Variants in SV2C observed in about 807,000 individuals in gnomAD.
SV2C encodes the protein solute carrier family 22 member B3.
A neutral mutation model predicts 79.7 loss-of-function variants in SV2C; 49 were observed. That is an observed-to-expected ratio of 0.61 (90% CI 0.49 to 0.78). The LOEUF is 0.78. Among genes scored for constraint, SV2C ranks in the 30% least tolerant of loss-of-function variants. The pLI is 0.00. For missense variants in SV2C, 833 were observed against 912.9 expected, an observed-to-expected ratio of 0.91 and a Z score of 1.13; for synonymous variants, 334 against 333.2, an observed-to-expected ratio of 1.00 and a Z score of -0.03.
At chr5:75,911,639 A>G in the SV2C span, 1 of 696,380 alleles carries the variant, frequency 1.4e-6, no homozygotes, top group Non-Finnish European at 2.7e-6. Context: ...AACATCCACA[A>G]TCAGAACCCC....
intron 11 of SV2C, 99 bp downstream of exon 11, chr5:76,301,031 A>G (rs1302678077): frequency 1.1e-5 from 15 of 1,310,860 alleles, no homozygotes; most frequent in Admixed American, 1.1e-4. Context: ...TTTGCATCCA[A>G]TAAGGAGAAA....
At chr5:75,954,396 C>G in the SV2C span, among the ~76,000 whole-genome samples, 4 of 151,986 alleles carry the variant, frequency 2.6e-5, no homozygotes, top group East Asian at 7.8e-4. Context: ...TGAAATACGT[C>G]CCATCAATAC....
chr5:75,971,521 T>C, the SV2C span, among the ~76,000 whole-genome samples: 1,544 of 152,180 alleles, frequency 0.01, 33 homozygotes, highest in African/African-American at 0.033. Flanking sequence ...AGCATTCTTA[T>C]ACACCAATAA....
At chr5:76,049,114 G>C in the SV2C span, among the ~76,000 whole-genome samples, 1 of 151,934 alleles carries the variant, frequency 6.6e-6, no homozygotes, top group African/African-American at 2.4e-5. Context: ...GAGGTGGGTG[G>C]ATCACGAGGT....
Position 76,159,368 on chromosome 5 carries a change from A to G in SV2C, c.580+27038A>G, listed in dbSNP as rs148590868. Among the ~76,000 whole-genome samples, 211 of 152,258 alleles carry G rather than the reference A, an allele frequency of 1.4e-3. 1 individual carries two copies. Among genetic ancestry groups the G allele is most frequent in the East Asian group, 0.013 (66 of 5,180 alleles). On this transcript the variant is annotated intron_variant, in intron 2 of 12. Coordinates refer to ENST00000502798, the MANE Select transcript of SV2C (RefSeq NM_014979.4). ...CTATTTGCAAGTAACATAATCGTGT[A>G]TATGGAAAATCCCAGGGACTCCACT...
At chr5:76,175,587 G>A (rs1307752948) in intron 2 of SV2C, among the ~76,000 whole-genome samples, 1 of 152,194 alleles carries the variant, frequency 6.6e-6, no homozygotes, top group African/African-American at 2.4e-5. Flanking sequence ...CTTCCTGTTT[G>A]CAGCTCGATG....
At chr5:75,913,699 T>C in the SV2C span, among the ~76,000 whole-genome samples, 1 of 152,180 alleles carries the variant, frequency 6.6e-6, no homozygotes, top group Non-Finnish European at 1.5e-5. Context: ...GAAAAGTAAC[T>C]GGGGAGACCA....
the SV2C span, among the ~76,000 whole-genome samples, chr5:75,972,312 C>A: frequency 0.015 from 2,292 of 152,084 alleles, 67 homozygotes; most frequent in African/African-American, 0.05. Context: ...ACAACAAAAG[C>A]CAAAATTGAC....
intron 1 of SV2C, among the ~76,000 whole-genome samples, chr5:76,115,947 G>A (rs942537104): frequency 1.3e-5 from 2 of 152,154 alleles, no homozygotes; most frequent in African/African-American, 4.8e-5. Context: ...TCCATGTCAG[G>A]AAAGCTCTGA....
intron 2 of SV2C, among the ~76,000 whole-genome samples, chr5:76,139,118 CAA>C (rs35031412): frequency 1.6e-4 from 21 of 131,730 alleles, no homozygotes; most frequent in Non-Finnish European, 1.8e-4. Flanking sequence ...GACTCCATCT[CAA>C]AAAAAAAAAA....
At chr5:76,132,993 A>T (rs1580293879) in intron 2 of SV2C, among the ~76,000 whole-genome samples, 1 of 151,898 alleles carries the variant, frequency 6.6e-6, no homozygotes, top group African/African-American at 2.4e-5. Flanking sequence ...AATGTGTGTT[A>T]AAAATAATAT....
chr5:76,292,271 C>T lies in SV2C; in HGVS notation c.1337+415C>T, dbSNP rs150628289. Among the ~76,000 whole-genome samples, 8 of 152,270 alleles carry T rather than the reference C, an allele frequency of 5.3e-5. No homozygotes were observed. The East Asian group carries it at 1.5e-3, about 29-fold the overall frequency. ...GCCCAGTTCATTTCTTTACCCTCTT[C>T]AACTCTTTCCTCAGATGTCACCTTC... On this transcript the variant is annotated intron_variant, in intron 8 of 12. Coordinates refer to ENST00000502798, the MANE Select transcript of SV2C (RefSeq NM_014979.4).
intron 4 of SV2C, among the ~76,000 whole-genome samples, chr5:76,259,000 T>C (rs888795514): frequency 6.6e-6 from 1 of 152,224 alleles, no homozygotes; most frequent in African/African-American, 2.4e-5. Context: ...TTTATTGTTA[T>C]ATGGCATCCC....
the SV2C span, among the ~76,000 whole-genome samples, chr5:75,928,184 C>G: frequency 6.6e-6 from 1 of 152,170 alleles, no homozygotes; most frequent in African/African-American, 2.4e-5. Context: ...CCATCACCAC[C>G]ATCTACTTCC....
At chr5:75,849,466 C>T in the SV2C span, among the ~76,000 whole-genome samples, 1 of 152,178 alleles carries the variant, frequency 6.6e-6, no homozygotes, top group Non-Finnish European at 1.5e-5. Context: ...ACTGTATAGA[C>T]CACCATTTGT....
At chr5:75,938,315 G>C in the SV2C span, among the ~76,000 whole-genome samples, 1 of 152,048 alleles carries the variant, frequency 6.6e-6, no homozygotes, top group Non-Finnish European at 1.5e-5. Context: ...CTCAATAGAA[G>C]TGCATACATG....
the SV2C span, among the ~76,000 whole-genome samples, chr5:75,890,206 A>C: frequency 2.6e-5 from 4 of 152,148 alleles, no homozygotes; most frequent in African/African-American, 7.2e-5. Context: ...TCAGCACTCC[A>C]GGAGCGTGCC....
chr5:76,105,299 C>A (rs887789104), intron 1 of SV2C, among the ~76,000 whole-genome samples: 3 of 152,192 alleles, frequency 2.0e-5, no homozygotes, highest in African/African-American at 7.2e-5. Context: ...AGCTTCCACA[C>A]TATCAGAGGA....
chr5:76,005,965 T>G, the SV2C span, among the ~76,000 whole-genome samples: 143 of 152,320 alleles, frequency 9.4e-4, 1 homozygote, highest in African/African-American at 3.3e-3. Context: ...GCAATACTCA[T>G]GTGTGCATGT....
Sources: gnomAD v4.1 joint callset for allele counts (sites outside exome capture counted in the v4.1 genomes callset) on GRCh38, gnomAD v4.1.1 for gene constraint, MANE v1.5 for transcripts, NCBI Gene and HGNC (gene_info 2026-07-23, HGNC 2026-07-21) for gene names.